The following DHDDS variants were observed in gnomAD, a reference collection of about 807,000 sequenced individuals.
DHDDS encodes the protein dehydrodolichyl diphosphate synthase complex subunit DHDDS.
A neutral mutation model predicts 46.2 loss-of-function variants in DHDDS; 16 were observed. The ratio of observed to expected loss-of-function variants is 0.35; its 90% confidence interval spans 0.23 to 0.53. The LOEUF is 0.53. DHDDS is among the 20% of genes least tolerant of loss of function. The pLI, the probability that DHDDS is intolerant of heterozygous loss-of-function variation, is 0.94. For missense variants in DHDDS, 340 were observed against 423.7 expected (o/e 0.80, Z 1.73); for synonymous variants, 151 against 163.1 (o/e 0.93, Z 0.56).
At chr1:26,466,706 T>G (rs2075492335) in intron 8 of DHDDS, among the ~76,000 whole-genome samples, 2 of 152,242 alleles carry the variant, frequency 1.3e-5, no homozygotes, top group African/African-American at 4.8e-5. Flanking sequence ...TTCCTCCCTC[T>G]GTTGCTGAGC....
intron 6 of DHDDS, 107 bp downstream of exon 6, chr1:26,447,767 C>A (rs2075283929): frequency 3.1e-6 from 3 of 959,110 alleles, no homozygotes; most frequent in Non-Finnish European, 4.9e-6. Flanking sequence ...GGTGGGCAGT[C>A]CACTTGAGGC....
chr1:26,455,129 G>T, intron 6 of DHDDS: 1 of 781,862 alleles, frequency 1.3e-6, no homozygotes, highest in South Asian at 1.3e-5. Context: ...ACGAAGATTG[G>T]AACCTCTTGA....
intron 2 of DHDDS, among the ~76,000 whole-genome samples, chr1:26,436,627 G>A (rs1384224579): frequency 2.6e-5 from 4 of 151,570 alleles, no homozygotes; most frequent in Admixed American, 2.0e-4. Context: ...GTTTCACCGT[G>A]TTAGCCAGGA....
In DHDDS at chr1:26,447,034, C is replaced by T. The variant is rs546495780; in HGVS notation, c.441-525C>T. On this transcript the variant is annotated intron_variant, in intron 5 of 8. Coordinates refer to ENST00000236342, the MANE Select transcript of DHDDS (RefSeq NM_205861.3). Reference sequence around the variant, plus strand: ...ACAGTAGAAGGGGAGAGGGTTAGGACGGCAATAGGAGCTATTTGGTGGCTG... The same window carrying T: ...ACAGTAGAAGGGGAGAGGGTTAGGATGGCAATAGGAGCTATTTGGTGGCTG... Among the ~76,000 whole-genome samples the T allele has an allele frequency of 5.3e-5, 8 of 152,242 alleles. No individual in the cohort carries two copies. The South Asian group carries it at 8.3e-4, about 16-fold the overall frequency.
intron 6 of DHDDS, among the ~76,000 whole-genome samples, chr1:26,455,463 T>G (rs1439749259): frequency 6.6e-6 from 1 of 152,136 alleles, no homozygotes; most frequent in Non-Finnish European, 1.5e-5. Context: ...GATGAGCAAC[T>G]TGGCTGGGTG....
At chr1:26,444,705 C>T (rs923067060) in intron 4 of DHDDS, among the ~76,000 whole-genome samples, 6 of 152,064 alleles carry the variant, frequency 3.9e-5, no homozygotes, top group South Asian at 2.1e-4. Context: ...GAGCTGTGAT[C>T]GATCCACTAT....
At chr1:26,461,605 G>C (rs374481533) in intron 8 of DHDDS, among the ~76,000 whole-genome samples, 1 of 152,070 alleles carries the variant, frequency 6.6e-6, no homozygotes, top group Non-Finnish European at 1.5e-5. Context: ...GGCTGGTCTT[G>C]AACTCTTTAC....
At chr1:26,464,320 TACC>T (rs2075459927) in intron 8 of DHDDS, among the ~76,000 whole-genome samples, 1 of 151,232 alleles carries the variant, frequency 6.6e-6, no homozygotes, top group Non-Finnish European at 1.5e-5. Context: ...ATTGAGTTCT[TACC>T]ACATGTCAGG....
intron 6 of DHDDS, chr1:26,455,258 A>G (rs1173752657): frequency 3.3e-6 from 2 of 608,572 alleles, no homozygotes; most frequent in Non-Finnish European, 5.9e-6. Context: ...AGAATGAGAA[A>G]TTATATGGAT....
intron 8 of DHDDS, among the ~76,000 whole-genome samples, chr1:26,463,785 C>T (rs1319863769): frequency 1.3e-5 from 2 of 152,182 alleles, no homozygotes; most frequent in African/African-American, 2.4e-5. Context: ...GGATTACAGG[C>T]GTGAACCACC....
intron 7 of DHDDS, among the ~76,000 whole-genome samples, 184 bp from the exon 8 acceptor site, chr1:26,459,853 G>A (rs991424809): frequency 2.0e-5 from 3 of 152,284 alleles, no homozygotes; most frequent in Non-Finnish European, 1.5e-5. Flanking sequence ...CTCAAGTGAC[G>A]CCTCCCCCTA....
At position 26,469,075 on chromosome 1, in the gene DHDDS, G is replaced by A. The variant is rs760304376; in HGVS notation, c.946G>A (p.Ala316Thr). 59 of 1,613,430 alleles carry A rather than the reference G, an allele frequency of 3.7e-5. No individual in the cohort carries two copies. Among genetic ancestry groups the A allele is most frequent in the Admixed American group, 1.7e-4 (10 of 60,012 alleles). The part of the protein sequence containing the change: ...REERVQGFLQ[A>T]LELKRADWLA... ...AGAGCGAGTCCAAGGCTTCCTGCAG[G>A]CCTTGGAACTCAAGCGAGCTGACTG... The change falls in exon 9 of 9, where the codon GCC becomes ACC. Residue 316 changes from alanine to threonine, a missense_variant. Physicochemically the swap from Ala to Thr is moderately conservative, Grantham distance 58. Transcript: ENST00000236342.
At chr1:26,452,429 C>T (rs2075330261) in intron 6 of DHDDS, among the ~76,000 whole-genome samples, 1 of 152,144 alleles carries the variant, frequency 6.6e-6, no homozygotes, top group African/African-American at 2.4e-5. Flanking sequence ...AGATTGAGAC[C>T]AAAGGATAGT....
intron 2 of DHDDS, among the ~76,000 whole-genome samples, chr1:26,435,577 A>G (rs1215575661): frequency 3.3e-5 from 5 of 151,382 alleles, no homozygotes; most frequent in Non-Finnish European, 5.9e-5. Flanking sequence ...AGCTGGGATT[A>G]CAGGCTCCCA....
chr1:26,442,031 T>C (rs1292290496), intron 3 of DHDDS, among the ~76,000 whole-genome samples: 1 of 152,168 alleles, frequency 6.6e-6, no homozygotes, highest in Admixed American at 6.5e-5. Context: ...TCTGTAACTA[T>C]AAATTTGTTT....
intron 6 of DHDDS, among the ~76,000 whole-genome samples, chr1:26,449,759 A>G (rs188007757): frequency 2.5e-4 from 38 of 152,010 alleles, no homozygotes; most frequent in Admixed American, 1.0e-3. Flanking sequence ...GGGTTTCACT[A>G]TGTTGGCCAG....
chr1:26,468,882 T>C lies in DHDDS; in HGVS notation c.766-13T>C. ...ATGATCTCCCCACCCCAATCCCCAC[T>C]TTTCTCTAGCAGAAGGCCCGAGACA... On this transcript the variant is annotated splice_polypyrimidine_tract_variant and intron_variant, in intron 8 of 8. Coordinates refer to ENST00000236342, the MANE Select transcript of DHDDS (RefSeq NM_205861.3). 1 of 1,360,792 alleles carries C rather than the reference T, an allele frequency of 7.3e-7. No homozygotes were observed. Among genetic ancestry groups the C allele is most frequent in the Non-Finnish European group, 9.7e-7 (1 of 1,025,964 alleles). 84.3% of individuals were successfully genotyped at this position (1,360,792 alleles called of 1,614,324 possible).
intron 4 of DHDDS, among the ~76,000 whole-genome samples, chr1:26,446,073 A>G (rs547162222): frequency 1.8e-4 from 27 of 152,318 alleles, no homozygotes; most frequent in African/African-American, 3.1e-4. Context: ...TTCAATCCTG[A>G]CAAAGCACTT....
intron 6 of DHDDS, among the ~76,000 whole-genome samples, chr1:26,453,536 C>T (rs146780525): frequency 0.012 from 1,893 of 152,184 alleles, 25 homozygotes; most frequent in Middle Eastern, 0.058. Context: ...CAGGTTGGAT[C>T]GCTTGAGCTC....
Sources: allele counts gnomAD v4.1 joint callset (sites outside exome capture counted in the v4.1 genomes callset), GRCh38; gene constraint gnomAD v4.1.1; transcripts MANE v1.5; gene names NCBI Gene and HGNC (gene_info 2026-07-23, HGNC 2026-07-21).